The following PDK1 variants were observed in gnomAD, a reference collection of about 807,000 sequenced individuals.
PDK1 encodes pyruvate dehydrogenase kinase 1, also known as [Pyruvate dehydrogenase (acetyl-transferring)] kinase isozyme 1, mitochondrial.
Under a neutral mutation model 54.2 loss-of-function variants are expected in PDK1, and 39 were observed. The ratio of observed to expected loss-of-function variants is 0.72; its 90% CI spans 0.56 to 0.94. The LOEUF is 0.94. Ranked by LOEUF, PDK1 falls within the 40% of genes least tolerant of loss-of-function variation. PDK1 has a pLI of 0.00. For missense variants in PDK1, 552 were observed against 566.0 expected (o/e 0.98, Z 0.25); for synonymous variants, 221 against 207.1 (o/e 1.07, Z -0.58).
chr2:172,585,315 A>ATTTTT (rs1217712286), intron 8 of PDK1, among the ~76,000 whole-genome samples: 3 of 117,152 alleles, frequency 2.6e-5, no homozygotes, highest in African/African-American at 1.3e-4. Context: ...ATGCATTTTT[A>ATTTTT]ATTTTTTTTT....
At chr2:172,637,438 A>G in the PDK1 span, among the ~76,000 whole-genome samples, 1 of 151,872 alleles carries the variant, frequency 6.6e-6, no homozygotes. Flanking sequence ...ACCTTAACCC[A>G]TTTAAAATTA....
Position 172,596,946 on chromosome 2 carries a change from T to C in PDK1, c.*977T>C, listed in dbSNP as rs1490264571. 2 of 152,188 alleles carry C rather than the reference T, an allele frequency of 1.3e-5. No homozygotes were observed. Among genetic ancestry groups the C allele is most frequent in the African/African-American group, 2.4e-5 (1 of 41,448 alleles). The allele number at this position is 152,188 out of a possible 1,614,324, so 9.4% of individuals were successfully genotyped here. A position where few individuals can be genotyped will look rare whatever the true frequency, so the allele number is the denominator to read the frequency against. ...ACAGCATTTGCTAAAGTAACATCTG[T>C]AGGTTTTGGTTTCCACCTATTTAAA... is the stretch of plus-strand genomic sequence containing the variant. On this transcript the variant is annotated 3_prime_UTR_variant, in exon 11 of 11. Transcript: ENST00000282077.
At chr2:172,583,767 T>C (rs1690056950) in intron 8 of PDK1, among the ~76,000 whole-genome samples, 1 of 152,088 alleles carries the variant, frequency 6.6e-6, no homozygotes, top group Admixed American at 6.5e-5. Context: ...ACTGTAACAA[T>C]TTTTAAATAT....
At chr2:172,663,773 CCCCCTTTTCTT>C in the PDK1 span, among the ~76,000 whole-genome samples, 3 of 152,084 alleles carry the variant, frequency 2.0e-5, no homozygotes, top group Admixed American at 6.6e-5. Context: ...GTCCCTGTTT[CCCCCTTTTCTT>C]CCTTTTAACC....
the PDK1 span, among the ~76,000 whole-genome samples, chr2:172,643,325 C>T: frequency 6.6e-6 from 1 of 152,188 alleles, no homozygotes; most frequent in African/African-American, 2.4e-5. Flanking sequence ...TTGTCAAATA[C>T]TTGAGTCATT....
At chr2:172,634,043 T>G in the PDK1 span, among the ~76,000 whole-genome samples, 3 of 150,698 alleles carry the variant, frequency 2.0e-5, no homozygotes, top group Non-Finnish European at 4.4e-5. Flanking sequence ...GCCTGGCTAA[T>G]TTTTGTATAT....
chr2:172,637,014 C>G, the PDK1 span, among the ~76,000 whole-genome samples: 1 of 152,192 alleles, frequency 6.6e-6, no homozygotes. Context: ...CCCAGAATCC[C>G]TGGCTCAGTT....
chr2:172,614,436 C>T, the PDK1 span, among the ~76,000 whole-genome samples: 1 of 152,222 alleles, frequency 6.6e-6, no homozygotes, highest in Non-Finnish European at 1.5e-5. Flanking sequence ...TCAGCCAGAG[C>T]AGGGCAGAGG....
chr2:172,561,249 A>G (rs907633328), intron 2 of PDK1, among the ~76,000 whole-genome samples: 4 of 152,204 alleles, frequency 2.6e-5, no homozygotes, highest in African/African-American at 7.2e-5. Flanking sequence ...TGTTGTAGGT[A>G]CTCAAATATC....
chr2:172,573,044 T>C (rs991604265), intron 8 of PDK1, among the ~76,000 whole-genome samples: 9 of 152,244 alleles, frequency 5.9e-5, no homozygotes, highest in Admixed American at 5.2e-4. Context: ...TTATAAATAA[T>C]ATGGCTATGA....
At chr2:172,694,991 A>G in the PDK1 span, among the ~76,000 whole-genome samples, 5 of 152,042 alleles carry the variant, frequency 3.3e-5, no homozygotes, top group Admixed American at 3.3e-4. Flanking sequence ...TGTGGTGTGC[A>G]TCTGTAGTCC....
chr2:172,573,398 G>A (rs1401662859), intron 8 of PDK1, among the ~76,000 whole-genome samples: 1 of 151,930 alleles, frequency 6.6e-6, no homozygotes, highest in Non-Finnish European at 1.5e-5. Context: ...AAGAAATGTA[G>A]ATTAAGATCC....
chr2:172,580,879 A>G (rs1165418472), intron 8 of PDK1, among the ~76,000 whole-genome samples: 2 of 152,188 alleles, frequency 1.3e-5, no homozygotes, highest in African/African-American at 4.8e-5. Flanking sequence ...ATTATATGAT[A>G]TTATTTACAT....
the PDK1 span, among the ~76,000 whole-genome samples, chr2:172,717,323 G>A: frequency 3.3e-5 from 5 of 152,170 alleles, no homozygotes; most frequent in African/African-American, 4.8e-5. Flanking sequence ...AAACCTCATG[G>A]ATGACCTCGA....
chr2:172,559,148 C>A (rs1387002685), intron 2 of PDK1, among the ~76,000 whole-genome samples: 1 of 152,152 alleles, frequency 6.6e-6, no homozygotes, highest in East Asian at 1.9e-4. Context: ...AGGGTTTCAC[C>A]ATGTTGGCCA....
chr2:172,647,346 G>T, the PDK1 span, among the ~76,000 whole-genome samples: 1 of 152,132 alleles, frequency 6.6e-6, no homozygotes, highest in South Asian at 2.1e-4. Flanking sequence ...CAGCTTCTTG[G>T]TCAGGACAGA....
At chr2:172,646,801 G>A in the PDK1 span, among the ~76,000 whole-genome samples, 25 of 139,968 alleles carry the variant, frequency 1.8e-4, 1 homozygote, top group East Asian at 4.9e-3. Flanking sequence ...GCAATGGCAC[G>A]ATCTCAGCTC....
At chr2:172,559,292 GT>G (rs1303271916) in intron 2 of PDK1, among the ~76,000 whole-genome samples, 8 of 152,156 alleles carry the variant, frequency 5.3e-5, no homozygotes, top group Non-Finnish European at 1.2e-4. Context: ...CTGGGGGCAG[GT>G]GGGGGCAATG....
At chr2:172,705,501 T>C in the PDK1 span, among the ~76,000 whole-genome samples, 1 of 152,236 alleles carries the variant, frequency 6.6e-6, no homozygotes, top group African/African-American at 2.4e-5. Context: ...GTCCTGCCAC[T>C]GTATGTTTCG....
Sources: allele counts gnomAD v4.1 joint callset (sites outside exome capture counted in the v4.1 genomes callset), GRCh38; gene constraint gnomAD v4.1.1; transcripts MANE v1.5; gene names NCBI Gene and HGNC (gene_info 2026-07-23, HGNC 2026-07-21).